Variants in ATF3 observed in about 807,000 individuals in gnomAD.
ATF3 encodes the protein cyclic AMP-dependent transcription factor ATF-3.
In ATF3, 10 loss-of-function variants were observed where a neutral mutation model predicts 18.4. That is an observed-to-expected ratio of 0.54 (90% CI 0.34 to 0.92). ATF3 has a LOEUF of 0.92. Among genes scored for constraint, ATF3 ranks in the 40% least tolerant of loss-of-function variants. The pLI, the probability that ATF3 is intolerant of heterozygous loss-of-function variation, is 0.02. For synonymous variants in ATF3, 78 were observed against 87.9 expected (o/e 0.89, Z 0.63); for missense variants, 183 against 222.3 (o/e 0.82, Z 1.12).
chr1:212,585,964 A>AC (rs1664772227), intron 1 of ATF3, among the ~76,000 whole-genome samples: 1 of 152,012 alleles, frequency 6.6e-6, no homozygotes, highest in African/African-American at 2.4e-5. Context: ...CTCCCAAATG[A>AC]CCCAGGATAT....
At chr1:212,600,790 A>G (rs1654462308) in intron 1 of ATF3, among the ~76,000 whole-genome samples, 1 of 152,198 alleles carries the variant, frequency 6.6e-6, no homozygotes, top group South Asian at 2.1e-4. Flanking sequence ...GAAGGCAGAT[A>G]TGCATCACTG....
At chr1:212,608,335 C>T (rs933246892), upstream of ATF3, among the ~76,000 whole-genome samples, 7 of 122,276 alleles carry the variant, frequency 5.7e-5, no homozygotes, top group Admixed American at 2.2e-4. Context: ...CCTTCCCCGC[C>T]CCCCCCGCTC....
At chr1:212,583,254 C>T (rs893374554) in intron 1 of ATF3, among the ~76,000 whole-genome samples, 1 of 152,022 alleles carries the variant, frequency 6.6e-6, no homozygotes, top group Non-Finnish European at 1.5e-5. Flanking sequence ...GATGGGATCT[C>T]GCTATGTTGC....
intron 1 of ATF3, among the ~76,000 whole-genome samples, chr1:212,594,244 T>C: frequency 6.6e-6 from 1 of 152,228 alleles, no homozygotes; most frequent in South Asian, 2.1e-4. Flanking sequence ...TAAGACACAT[T>C]CCAGGTAGTC....
In ATF3 at chr1:212,619,221, T is replaced by A; in HGVS notation, c.349-137T>A. 6.2e-7 allele frequency: 1 copy of A among 1,610,168 alleles called. No homozygotes were observed. Among genetic ancestry groups the A allele is most frequent in the South Asian group, 1.1e-5 (1 of 90,632 alleles). On this transcript the variant is annotated intron_variant, in intron 3 of 3. Transcript: ENST00000341491. The surrounding 1 kb of genome is among the most constrained non-coding windows in gnomAD (Gnocchi z 4.4). ...TCCTAAACCCAGTGCTGCTCTCCCA[T>A]CTCCCATCTTCCTCTCGCAGCTTGA... is the stretch of plus-strand genomic sequence containing the variant.
chr1:212,590,134 T>G (rs1311130323), intron 1 of ATF3, among the ~76,000 whole-genome samples: 1 of 152,242 alleles, frequency 6.6e-6, no homozygotes, highest in Non-Finnish European at 1.5e-5. Flanking sequence ...AGACATGCTT[T>G]TATTTTTTTG....
chr1:212,566,101 G>C (rs1424880187), intron 1 of ATF3, among the ~76,000 whole-genome samples: 1 of 152,188 alleles, frequency 6.6e-6, no homozygotes, highest in Non-Finnish European at 1.5e-5. Context: ...GAAGTAAAGA[G>C]GTTAGAGAGG....
intron 1 of ATF3, among the ~76,000 whole-genome samples, chr1:212,570,601 C>T (rs193256381): frequency 1.3e-5 from 2 of 152,192 alleles, no homozygotes; most frequent in Admixed American, 6.5e-5. Context: ...AAAGCTCCCT[C>T]GTGTTCTCTC....
At position 212,581,471 on chromosome 1, in the gene ATF3, A is replaced by G. The variant is rs118184242; in HGVS notation, c.-5+15988A>G. On this transcript the variant is annotated intron_variant, in intron 1 of 3. Transcript: ENST00000366981. ...CCATGGCATTTCTTATGGGTGTCAT[A>G]GGAGTTTTATTTTGTTGTTGATGAC... Among the ~76,000 whole-genome samples the G allele has an allele frequency of 1.3e-3, 205 of 152,340 alleles. 6 individuals carry two copies. In the East Asian group the frequency reaches 0.038, roughly 28 times the overall value.
At chr1:212,617,396 C>T (rs939901665) in intron 2 of ATF3, among the ~76,000 whole-genome samples, 3 of 152,228 alleles carry the variant, frequency 2.0e-5, no homozygotes, top group East Asian at 1.9e-4. Context: ...GAGGTTCCAC[C>T]ATTTTATTGG....
chr1:212,619,759 C>A lies in ATF3; in HGVS notation c.*204C>A. 1.7e-6 allele frequency: 1 copy of A among 593,406 alleles called. No homozygotes were observed. Among genetic ancestry groups the A allele is most frequent in the Non-Finnish European group, 2.9e-6 (1 of 349,288 alleles). The allele number at this position is 593,406 out of a possible 1,614,324, so 36.8% of individuals were successfully genotyped here. On this transcript the variant is annotated 3_prime_UTR_variant, in exon 4 of 4. Coordinates refer to ENST00000341491, the MANE Select transcript of ATF3 (RefSeq NM_001674.4). This position sits in a 1 kb window ranked among gnomAD's most constrained non-coding sequence, Gnocchi z 4.4. Reference sequence around the variant, plus strand: ...GGGTCTTGGACCAGGGCAAGTGCATCTTTGCCTCAACTCCAGGATTTAGGC... The same window carrying A: ...GGGTCTTGGACCAGGGCAAGTGCATATTTGCCTCAACTCCAGGATTTAGGC...
At chr1:212,589,334 T>C (rs1664839086) in intron 1 of ATF3, among the ~76,000 whole-genome samples, 1 of 152,112 alleles carries the variant, frequency 6.6e-6, no homozygotes, top group Admixed American at 6.6e-5. Flanking sequence ...AAATAGCAGA[T>C]AATGGGAGCA....
At chr1:212,588,142 C>T (rs1305613876) in intron 1 of ATF3, among the ~76,000 whole-genome samples, 1 of 152,130 alleles carries the variant, frequency 6.6e-6, no homozygotes, top group African/African-American at 2.4e-5. Flanking sequence ...TCCCTCTCTC[C>T]TTGAGAAGCT....
intron 1 of ATF3, among the ~76,000 whole-genome samples, chr1:212,589,802 CT>C (rs35586185): frequency 0.03 from 4,247 of 143,152 alleles, 98 homozygotes; most frequent in African/African-American, 0.067. Flanking sequence ...TCTTGGTCAA[CT>C]TTTTTTTTTT....
At chr1:212,592,846 T>C (rs1571770602) in intron 1 of ATF3, among the ~76,000 whole-genome samples, 1 of 152,128 alleles carries the variant, frequency 6.6e-6, no homozygotes, top group Admixed American at 6.5e-5. Context: ...ATTGATAACA[T>C]GGCATTTAAA....
chr1:212,613,475 G>A (rs1213016622), intron 1 of ATF3: 1 of 152,196 alleles, frequency 6.6e-6, no homozygotes, highest in Non-Finnish European at 1.5e-5. Flanking sequence ...TTAATTCTGT[G>A]AATTCGGGCA....
intron 1 of ATF3, among the ~76,000 whole-genome samples, chr1:212,593,821 CTATT>C (rs1338266127): frequency 6.6e-6 from 1 of 150,490 alleles, no homozygotes; most frequent in African/African-American, 2.4e-5. Flanking sequence ...GTCTGTGTCT[CTATT>C]TATATCAGTC....
intron 1 of ATF3, among the ~76,000 whole-genome samples, chr1:212,573,562 G>A (rs1307751870): frequency 6.6e-6 from 1 of 151,740 alleles, no homozygotes; most frequent in Non-Finnish European, 1.5e-5. Context: ...CTTTTTCAGG[G>A]TTTTATATCA....
At chr1:212,604,565 A>T (rs1654570264), upstream of ATF3, among the ~76,000 whole-genome samples, 1 of 152,160 alleles carries the variant, frequency 6.6e-6, no homozygotes, top group African/African-American at 2.4e-5. Flanking sequence ...AAGTTGGACA[A>T]CATTTCTTAA....
Sources: allele counts gnomAD v4.1 joint callset (sites outside exome capture counted in the v4.1 genomes callset), GRCh38; gene constraint gnomAD v4.1.1; non-coding constraint Gnocchi (gnomAD v3.1); transcripts MANE v1.5; gene names NCBI Gene and HGNC (gene_info 2026-07-23, HGNC 2026-07-21).